The following EYA2 variants were observed in gnomAD, a reference collection of about 807,000 sequenced individuals.
EYA2 encodes protein phosphatase EYA2.
EYA2 carries 31 observed loss-of-function variants against 69.2 expected under a neutral mutation model. The ratio of observed to expected loss-of-function variants is 0.45; its 90% CI spans 0.34 to 0.60. The LOEUF (loss-of-function observed/expected upper bound fraction) is 0.60. Among genes scored for constraint, EYA2 ranks in the 20% least tolerant of loss-of-function variants. The probability of loss-of-function intolerance (pLI) is 0.02; values close to 1 mark genes in which losing one functional copy is unlikely to be tolerated. For synonymous variants in EYA2, 257 were observed against 279.4 expected, an observed-to-expected ratio of 0.92 and a Z score of 0.80; for missense variants, 622 against 701.2, an observed-to-expected ratio of 0.89 and a Z score of 1.28.
chr20:47,168,233 G>C (rs1250835515), intron 10 of EYA2, among the ~76,000 whole-genome samples: 7 of 151,328 alleles, frequency 4.6e-5, no homozygotes, highest in Non-Finnish European at 4.4e-5. Flanking sequence ...GCTCTGTCAT[G>C]CAGGCTGGAG....
chr20:46,895,350 C>A (rs1345731538), intron 1 of EYA2, among the ~76,000 whole-genome samples: 1 of 152,204 alleles, frequency 6.6e-6, no homozygotes, highest in African/African-American at 2.4e-5. Context: ...ATGGTCCCGG[C>A]GGTTCGCGAT....
intron 12 of EYA2, among the ~76,000 whole-genome samples, chr20:47,175,539 GC>G (rs2034409842): frequency 6.6e-6 from 1 of 152,180 alleles, no homozygotes; most frequent in Non-Finnish European, 1.5e-5. Flanking sequence ...AAGGATTCAT[GC>G]CAGGATGTTG....
chr20:46,954,311 G>A (rs1012796058), intron 1 of EYA2, among the ~76,000 whole-genome samples: 6 of 152,194 alleles, frequency 3.9e-5, no homozygotes, highest in Admixed American at 6.5e-5. Context: ...CTAGAACAAC[G>A]ATCGGCACAT....
chr20:47,027,136 A>G (rs1050361685), intron 5 of EYA2, among the ~76,000 whole-genome samples: 1 of 152,260 alleles, frequency 6.6e-6, no homozygotes, highest in Non-Finnish European at 1.5e-5. Flanking sequence ...TCAGTGAGGT[A>G]TGTTTCAGAG....
chr20:46,985,591 C>G (rs1981128177), intron 1 of EYA2, among the ~76,000 whole-genome samples: 1 of 152,098 alleles, frequency 6.6e-6, no homozygotes, highest in Non-Finnish European at 1.5e-5. Flanking sequence ...ACATAGCTCT[C>G]AAATGCAAAT....
chr20:47,102,656 G>A (rs60771447), intron 9 of EYA2, among the ~76,000 whole-genome samples: 1,670 of 152,290 alleles, frequency 0.011, 28 homozygotes, highest in African/African-American at 0.038. Context: ...CTGGGCTCCC[G>A]TTCTGTTCCC....
At chr20:47,096,480 A>G (rs568660027) in intron 8 of EYA2, among the ~76,000 whole-genome samples, 6 of 152,288 alleles carry the variant, frequency 3.9e-5, no homozygotes, top group Middle Eastern at 3.4e-3. Context: ...CGATAGCTCC[A>G]TGTTTGTTTA....
At chr20:46,999,069 C>G (rs927579694) in intron 2 of EYA2, among the ~76,000 whole-genome samples, 4 of 152,132 alleles carry the variant, frequency 2.6e-5, no homozygotes, top group African/African-American at 9.7e-5. Context: ...ACATGCAAAT[C>G]ATGCCATGGA....
At chr20:47,113,971 C>T (rs1203254988) in intron 9 of EYA2, among the ~76,000 whole-genome samples, 1 of 152,048 alleles carries the variant, frequency 6.6e-6, no homozygotes, top group Non-Finnish European at 1.5e-5. Flanking sequence ...GCTGGGATCA[C>T]CACATGTTCC....
chr20:46,949,975 C>T (rs1453738383), intron 1 of EYA2, among the ~76,000 whole-genome samples: 1 of 152,190 alleles, frequency 6.6e-6, no homozygotes, highest in Admixed American at 6.5e-5. Flanking sequence ...GGCTGAGGTG[C>T]TTGCACAAGG....
intron 1 of EYA2, among the ~76,000 whole-genome samples, chr20:46,926,129 A>G (rs954469925): frequency 4.6e-5 from 7 of 152,374 alleles, no homozygotes; most frequent in South Asian, 2.1e-4. Context: ...TTCTGTTTAC[A>G]TAAAGAAAAT....
chr20:47,016,668 G>C (rs1171313159), intron 5 of EYA2, among the ~76,000 whole-genome samples: 1 of 152,222 alleles, frequency 6.6e-6, no homozygotes, highest in Non-Finnish European at 1.5e-5. Flanking sequence ...GAATCCCAAA[G>C]GGTGAGGCAG....
At chr20:47,062,184 G>A (rs181429299) in intron 5 of EYA2, among the ~76,000 whole-genome samples, 4 of 152,238 alleles carry the variant, frequency 2.6e-5, no homozygotes, top group East Asian at 1.9e-4. Flanking sequence ...TGTCCACCTC[G>A]GACCACCACC....
At chr20:46,992,018 C>CATTCCCTG (rs1555810279) in intron 2 of EYA2, among the ~76,000 whole-genome samples, 2 of 146,850 alleles carry the variant, frequency 1.4e-5, no homozygotes, top group Non-Finnish European at 3.0e-5. Context: ...TGGGCCCCCA[C>CATTCCCTG]ATTCCCCGCT....
chr20:46,897,822 G>A lies in EYA2; in HGVS notation c.-11+2835G>A, dbSNP rs564948980. ...CGCAGAGCGGAGGAGTGGAAGTTGC[G>A]ACTGGGGTAGAGTTTTGTCTTTGCT... On this transcript the variant is annotated intron_variant, in intron 1 of 15. Transcript: ENST00000327619. Among the ~76,000 whole-genome samples, 305 of 152,264 alleles carry A rather than the reference G, an allele frequency of 2.0e-3. 1 individual carries two copies. The highest frequency in any genetic ancestry group is 0.017 in the South Asian group (81 of 4,822).
At chr20:47,122,644 C>T (rs1426539903) in intron 9 of EYA2, among the ~76,000 whole-genome samples, 2 of 152,014 alleles carry the variant, frequency 1.3e-5, no homozygotes, top group Non-Finnish European at 2.9e-5. Flanking sequence ...AAGGGACTTT[C>T]AATATCTGAG....
At chr20:47,078,409 A>G (rs1319014326) in intron 7 of EYA2, among the ~76,000 whole-genome samples, 1 of 152,012 alleles carries the variant, frequency 6.6e-6, no homozygotes, top group Non-Finnish European at 1.5e-5. Flanking sequence ...TACTTTTGAA[A>G]TTATCCAGGA....
chr20:46,938,929 C>T (rs574356452), intron 1 of EYA2, among the ~76,000 whole-genome samples: 9 of 152,184 alleles, frequency 5.9e-5, no homozygotes, highest in Non-Finnish European at 1.2e-4. Flanking sequence ...CACATTAATA[C>T]TGTACTACTA....
At position 47,156,031 on chromosome 20, in the gene EYA2, T is replaced by TATAC. The variant is rs1224838651; in HGVS notation, c.978+12884_978+12885insTACA. Among the ~76,000 whole-genome samples the TATAC allele has an allele frequency of 8.4e-5, 10 of 119,274 alleles. 1 individual carries two copies. The highest frequency in any genetic ancestry group is 3.7e-4 in the African/African-American group (10 of 26,692). 78.2% of individuals were successfully genotyped at this position (119,274 alleles called of 152,430 possible). On this transcript the variant is annotated intron_variant, in intron 10 of 15. Transcript: ENST00000327619. ...GTCTCTACTTAAATATATATATATA[T>TATAC]ACATACACACACACACACACATATA...
Sources: allele counts gnomAD v4.1 joint callset (sites outside exome capture counted in the v4.1 genomes callset), GRCh38; gene constraint gnomAD v4.1.1; transcripts MANE v1.5; gene names NCBI Gene and HGNC (gene_info 2026-07-23, HGNC 2026-07-21).